The following LRRC49 variants were observed in gnomAD, a reference collection of about 807,000 sequenced individuals.
LRRC49 encodes the protein leucine rich repeat containing 49.
LRRC49 carries 50 observed loss-of-function variants against 83.3 expected under a neutral mutation model. The observed-to-expected ratio is 0.60, with a 90% CI of 0.48 to 0.76. LRRC49 has a LOEUF of 0.76. LRRC49 is among the 30% of genes least tolerant of loss of function. LRRC49 has a pLI of 0.00. For missense variants in LRRC49, 704 were observed against 809.1 expected (o/e 0.87, Z 1.58); for synonymous variants, 286 against 283.3 (o/e 1.01, Z -0.10).
chr15:71,010,819 AC>A (rs1052683754), intron 13 of LRRC49, among the ~76,000 whole-genome samples: 13 of 152,136 alleles, frequency 8.5e-5, no homozygotes, highest in South Asian at 4.1e-4. Flanking sequence ...GAAAAAAAAA[AC>A]ATCTTTAATA....
intron 11 of LRRC49, among the ~76,000 whole-genome samples, chr15:70,995,944 G>A (rs1473324087): frequency 1.3e-5 from 2 of 152,118 alleles, no homozygotes; most frequent in Non-Finnish European, 2.9e-5. Context: ...GAGTTTGGGA[G>A]AGATGGGAGA....
intron 2 of LRRC49, chr15:70,894,853 C>T (rs2033763132): frequency 5.3e-6 from 1 of 188,982 alleles, no homozygotes; most frequent in Non-Finnish European, 1.1e-5. Flanking sequence ...GGTAAACACT[C>T]AGAAAATAGA....
At chr15:70,870,996 C>T (rs1049520645) in intron 1 of LRRC49, among the ~76,000 whole-genome samples, 104 of 137,960 alleles carry the variant, frequency 7.5e-4, no homozygotes, top group Admixed American at 1.5e-3. Flanking sequence ...GGGTGTTTCT[C>T]GGAGAGGGGG....
intron 8 of LRRC49, among the ~76,000 whole-genome samples, chr15:70,950,122 G>A (rs1301744602): frequency 2.6e-5 from 4 of 152,096 alleles, no homozygotes; most frequent in African/African-American, 9.7e-5. Context: ...CTGTATCCAT[G>A]TTGCTGCAAA....
At chr15:70,962,780 C>T (rs2036649473) in intron 8 of LRRC49, among the ~76,000 whole-genome samples, 1 of 152,052 alleles carries the variant, frequency 6.6e-6, no homozygotes, top group South Asian at 2.1e-4. Context: ...ACTCTGTGTC[C>T]TCAAGGAGGA....
chr15:70,990,134 G>A (rs924471298), intron 11 of LRRC49, among the ~76,000 whole-genome samples: 18 of 152,176 alleles, frequency 1.2e-4, no homozygotes, highest in Non-Finnish European at 1.9e-4. Context: ...CTCCAGCTGC[G>A]TGCTGGGAGA....
At chr15:71,014,430 A>C (rs2038759431) in intron 14 of LRRC49, among the ~76,000 whole-genome samples, 1 of 152,184 alleles carries the variant, frequency 6.6e-6, no homozygotes, top group Non-Finnish European at 1.5e-5. Flanking sequence ...AACTACTAAA[A>C]GGAAAAAAGT....
rs922778290 is a variant in LRRC49 at position 70,988,670 on chromosome 15, C to T, written c.1169+4413C>T. 9.9e-5 allele frequency among the ~76,000 whole-genome samples: 15 copies of T among 151,624 alleles called. No individual in the cohort carries two copies. The East Asian group carries it at 2.9e-3, about 29-fold the overall frequency. On this transcript the variant is annotated intron_variant, in intron 11 of 15. Coordinates refer to ENST00000260382, the MANE Select transcript of LRRC49 (RefSeq NM_017691.5). Reference sequence around the variant, plus strand: ...TAATATTGTTATGTGTGAATTTGATCCTGTCATTATGATGTTAGCTGGTTA... The same window carrying T: ...TAATATTGTTATGTGTGAATTTGATTCTGTCATTATGATGTTAGCTGGTTA...
chr15:70,934,370 G>A (rs1028970404), intron 7 of LRRC49, among the ~76,000 whole-genome samples: 7 of 152,090 alleles, frequency 4.6e-5, no homozygotes, highest in Non-Finnish European at 1.0e-4. Flanking sequence ...TTGGAACAAC[G>A]AAAAATGATT....
At chr15:70,889,576 A>T (rs1037987154), upstream of LRRC49, among the ~76,000 whole-genome samples, 1 of 152,218 alleles carries the variant, frequency 6.6e-6, no homozygotes. Flanking sequence ...CAATTTAAAA[A>T]ATTCAGTTGG....
At chr15:70,921,436 A>G (rs1046352027) in intron 7 of LRRC49, among the ~76,000 whole-genome samples, 17 of 152,164 alleles carry the variant, frequency 1.1e-4, no homozygotes, top group African/African-American at 3.9e-4. Context: ...TGCTCTGTAC[A>G]TGTTTATGTT....
intron 1 of LRRC49, among the ~76,000 whole-genome samples, chr15:70,871,895 G>A (rs2033052816): frequency 6.9e-6 from 1 of 144,254 alleles, no homozygotes; most frequent in Non-Finnish European, 1.5e-5. Flanking sequence ...GGGAAGAGGC[G>A]CTCCTTACTT....
intron 11 of LRRC49, among the ~76,000 whole-genome samples, chr15:70,985,667 C>A (rs1303024250): frequency 6.6e-6 from 1 of 151,966 alleles, no homozygotes; most frequent in East Asian, 1.9e-4. Context: ...GCTTTTGTTG[C>A]CATTGCTTTT....
chr15:71,018,283 T>C (rs1295069300), intron 14 of LRRC49, among the ~76,000 whole-genome samples: 1 of 152,182 alleles, frequency 6.6e-6, no homozygotes, highest in Non-Finnish European at 1.5e-5. Flanking sequence ...GGTAGAGTAG[T>C]TGAAGAGTGC....
intron 9 of LRRC49, among the ~76,000 whole-genome samples, chr15:70,974,272 T>C (rs2037125545): frequency 6.6e-6 from 1 of 152,196 alleles, no homozygotes; most frequent in African/African-American, 2.4e-5. Context: ...ATAGACCTTG[T>C]TAGAGGAGTG....
chr15:70,915,664 T>A (rs1257195055), intron 6 of LRRC49, among the ~76,000 whole-genome samples: 1 of 152,224 alleles, frequency 6.6e-6, no homozygotes, highest in Admixed American at 6.5e-5. Flanking sequence ...TTTTACTGGC[T>A]TCTTGCATTT....
intron 2 of LRRC49, chr15:70,882,200 C>A (rs763405112): frequency 5.6e-6 from 2 of 356,420 alleles, no homozygotes; most frequent in Non-Finnish European, 1.0e-5. Flanking sequence ...TGTGGTTTTG[C>A]TTTGTAACCT....
chr15:70,864,406 G>A (rs1003956801), intron 1 of LRRC49, among the ~76,000 whole-genome samples: 3 of 151,906 alleles, frequency 2.0e-5, no homozygotes, highest in African/African-American at 7.3e-5. Flanking sequence ...AGAGGGAAGA[G>A]CAGGGCCCTG....
intron 1 of LRRC49, among the ~76,000 whole-genome samples, chr15:70,869,155 A>C (rs1250049602): frequency 6.6e-6 from 1 of 152,250 alleles, no homozygotes; most frequent in Non-Finnish European, 1.5e-5. Flanking sequence ...TTATTATAAT[A>C]CATGAAAAGC....
Sources: allele counts gnomAD v4.1 joint callset (sites outside exome capture counted in the v4.1 genomes callset), GRCh38; gene constraint gnomAD v4.1.1; transcripts MANE v1.5; gene names NCBI Gene and HGNC (gene_info 2026-07-23, HGNC 2026-07-21).